Variants in CHIC1 observed in about 807,000 individuals in gnomAD.
CHIC1 encodes cysteine rich hydrophobic domain 1.
CHIC1 carries 7 observed loss-of-function variants against 18.5 expected under a neutral mutation model. That is an observed-to-expected ratio of 0.38 (90% CI 0.22 to 0.71). CHIC1 has a LOEUF of 0.71. CHIC1 is among the 30% of genes least tolerant of loss of function. The probability of loss-of-function intolerance (pLI) is 0.49; values close to 1 mark genes in which losing one functional copy is unlikely to be tolerated. For synonymous variants in CHIC1, 77 were observed against 73.5 expected, an observed-to-expected ratio of 1.05 and a Z score of -0.25; for missense variants, 159 against 176.9, an observed-to-expected ratio of 0.90 and a Z score of 0.57.
At chrX:73,605,122 G>A (rs779648880) in intron 3 of CHIC1, among the ~76,000 whole-genome samples, 14 of 107,915 alleles carry the variant, frequency 1.3e-4, no homozygotes, top group East Asian at 2.8e-4. Context: ...CACTATTATC[G>A]TGTAGGAGTC....
chrX:73,651,186 C>T (rs1260586117), intron 3 of CHIC1, among the ~76,000 whole-genome samples: 1 of 111,709 alleles, frequency 9.0e-6, no homozygotes, highest in African/African-American at 3.3e-5. Context: ...TGGAAAATAT[C>T]TCAATAATTT....
chrX:73,627,137 CAAA>C (rs759306668), intron 3 of CHIC1, among the ~76,000 whole-genome samples: 3,459 of 56,967 alleles, frequency 0.061, 226 homozygotes, highest in African/African-American at 0.19. Context: ...TAAGTTCTCC[CAAA>C]AAAAAAAAAA....
chrX:73,655,952 T>C (rs761809340), intron 3 of CHIC1, among the ~76,000 whole-genome samples: 1 of 111,111 alleles, frequency 9.0e-6, no homozygotes, highest in African/African-American at 3.3e-5. Flanking sequence ...TTCCTTTGCC[T>C]CCACAACCTC....
chrX:73,655,206 A>G (rs1200136755), intron 3 of CHIC1, among the ~76,000 whole-genome samples: 2 of 108,821 alleles, frequency 1.8e-5, no homozygotes, highest in Non-Finnish European at 3.8e-5. Flanking sequence ...CTCGAGCTCC[A>G]TTCATGTCAC....
At chrX:73,638,933 G>C (rs759286230) in intron 3 of CHIC1, among the ~76,000 whole-genome samples, 108 of 111,958 alleles carry the variant, frequency 9.6e-4, no homozygotes, top group African/African-American at 3.5e-3. Flanking sequence ...CTGTTGATGG[G>C]CATTTAGGTT....
At position 73,608,043 on chromosome X, in the gene CHIC1, C is replaced by G. The variant is rs1190582284; in HGVS notation, c.507+23471C>G. On this transcript the variant is annotated intron_variant, in intron 3 of 5. Transcript: ENST00000373502. Reference sequence around the variant, plus strand: ...TTCTGAGTGTTTTATAGTTGTAGCTCTTACATTTAGTGCTTTGATACACTT... The same window carrying G: ...TTCTGAGTGTTTTATAGTTGTAGCTGTTACATTTAGTGCTTTGATACACTT... Among the ~76,000 whole-genome samples, 4 of 109,370 alleles carry G rather than the reference C, an allele frequency of 3.7e-5. No homozygotes were observed. The Admixed American group carries it at 3.8e-4, about 10-fold the overall frequency. The allele number at this position is 109,370 out of a possible 115,157, so 95.0% of individuals were successfully genotyped here.
intron 3 of CHIC1, among the ~76,000 whole-genome samples, chrX:73,593,845 T>A (rs1361147919): frequency 9.0e-6 from 1 of 111,689 alleles, no homozygotes; most frequent in East Asian, 2.8e-4. Flanking sequence ...GGACTTCAAC[T>A]TTCTCTTGAA....
chrX:73,614,743 C>A (rs1380086686), intron 3 of CHIC1, among the ~76,000 whole-genome samples: 1 of 110,606 alleles, frequency 9.0e-6, no homozygotes, highest in African/African-American at 3.3e-5. Context: ...TCTATCTCTT[C>A]AATAAATTTC....
chrX:73,583,437 CCTG>C (rs2057537139), intron 2 of CHIC1, among the ~76,000 whole-genome samples: 1 of 110,854 alleles, frequency 9.0e-6, no homozygotes, highest in Non-Finnish European at 1.9e-5. Flanking sequence ...TGATTCCTAA[CCTG>C]CTAATGCGGT....
intron 3 of CHIC1, among the ~76,000 whole-genome samples, chrX:73,676,366 C>T (rs1267888061): frequency 1.8e-5 from 2 of 112,171 alleles, no homozygotes; most frequent in Non-Finnish European, 1.9e-5. Context: ...CTTTCAGGTA[C>T]ACCAATCAGA....
At chrX:73,588,412 C>T (rs73229437) in intron 3 of CHIC1, among the ~76,000 whole-genome samples, 4,431 of 110,710 alleles carry the variant, frequency 0.04, 83 homozygotes, top group Middle Eastern at 0.052. Flanking sequence ...GAAAAATACA[C>T]GACATAAAAT....
chrX:73,615,932 A>G (rs1422796741), intron 3 of CHIC1, among the ~76,000 whole-genome samples: 1 of 111,013 alleles, frequency 9.0e-6, no homozygotes, highest in South Asian at 3.9e-4. Flanking sequence ...AGAGGCAGCT[A>G]CGTGGTGGGT....
At chrX:73,585,214 A>G (rs2057547280) in intron 3 of CHIC1, among the ~76,000 whole-genome samples, 1 of 111,900 alleles carries the variant, frequency 8.9e-6, no homozygotes, top group South Asian at 3.7e-4. Context: ...TTAAATAATA[A>G]GTAGCCAATG....
chrX:73,601,851 T>C (rs1186653513), intron 3 of CHIC1, among the ~76,000 whole-genome samples: 1 of 103,695 alleles, frequency 9.6e-6, no homozygotes, highest in Non-Finnish European at 1.9e-5. Flanking sequence ...AAGAGGAAAA[T>C]AGACACATTA....
chrX:73,563,461 AGAGGAGGAG>A lies in CHIC1; in HGVS notation c.183_191del (p.Glu66_Glu68del). On this transcript the variant is annotated inframe_deletion, in exon 1 of 6. Transcript: ENST00000373502. ...AGGAGGAAGAGGAGGAGGAGGAAGA[AGAGGAGGAG>A]GAGGAAGAGGAGGAGGAAGCGCCGC... 1 of 1,162,484 alleles carries A rather than the reference AGAGGAGGAG, an allele frequency of 8.6e-7. No individual in the cohort carries two copies. The highest frequency in any genetic ancestry group is 1.1e-6 in the Non-Finnish European group (1 of 870,653).
At chrX:73,615,094 C>T (rs909279291) in intron 3 of CHIC1, among the ~76,000 whole-genome samples, 1 of 111,210 alleles carries the variant, frequency 9.0e-6, no homozygotes, top group Non-Finnish European at 1.9e-5. Context: ...GGCTTTAATT[C>T]TTGATGTATA....
chrX:73,674,130 G>T (rs960949712), intron 3 of CHIC1, among the ~76,000 whole-genome samples: 1 of 111,913 alleles, frequency 8.9e-6, no homozygotes, highest in African/African-American at 3.2e-5. Context: ...GCTTTTTGAT[G>T]TGCTGCTGGA....
chrX:73,641,741 T>A (rs1446592567), intron 3 of CHIC1, among the ~76,000 whole-genome samples: 1 of 109,298 alleles, frequency 9.1e-6, no homozygotes, highest in Non-Finnish European at 1.9e-5. Flanking sequence ...ATTGTTCAGT[T>A]CCCACCTGTG....
At chrX:73,569,464 C>T (rs977647226) in intron 1 of CHIC1, among the ~76,000 whole-genome samples, 4 of 111,156 alleles carry the variant, frequency 3.6e-5, no homozygotes, top group East Asian at 2.8e-4. Context: ...CCAGCTGGGT[C>T]GGCTTCAAAC....
Sources: gnomAD v4.1 joint callset for allele counts (sites outside exome capture counted in the v4.1 genomes callset) on GRCh38, gnomAD v4.1.1 for gene constraint, MANE v1.5 for transcripts, NCBI Gene and HGNC (gene_info 2026-07-23, HGNC 2026-07-21) for gene names.